The following MGAM2 variants were observed in gnomAD, a reference collection of about 807,000 sequenced individuals.
The protein encoded by MGAM2 is probable maltase-glucoamylase 2.
A neutral mutation model predicts 96.1 loss-of-function variants in MGAM2; 98 were observed. That is an observed-to-expected ratio of 1.02 (90% CI 0.87 to 1.21). The LOEUF is 1.21. Ranked by LOEUF, MGAM2 falls within the 50% of genes most tolerant of loss-of-function variation. The pLI is 0.00. For synonymous variants in MGAM2, 749 were observed against 414.8 expected (o/e 1.81, Z -9.79); for missense variants, 2,055 against 1,182.4 (o/e 1.74, Z -10.82).
chr7:142,158,113 G>A lies in MGAM2; in HGVS notation c.2078+22G>A, dbSNP rs572249139. 8 of 701,502 alleles carry A rather than the reference G, an allele frequency of 1.1e-5. No individual in the cohort carries two copies. The South Asian group carries it at 1.2e-4, about 10-fold the overall frequency. 43.5% of individuals were successfully genotyped at this position (701,502 alleles called of 1,614,324 possible). On this transcript the variant is annotated intron_variant, in intron 18 of 47. Transcript: ENST00000477922. ...ATGAGTGAGTTTCCTGATTCTCAAA[G>A]ACTCCCTTTCTGATTGTAGTTTCAC...
At chr7:142,186,356 T>A (rs1796699321) in intron 35 of MGAM2, among the ~76,000 whole-genome samples, 1 of 152,050 alleles carries the variant, frequency 6.6e-6, no homozygotes. Context: ...CTGCTACTGC[T>A]GGAGATGCCA....
rs370058317 is a variant in MGAM2, at chr7:142,175,686, G to A, written c.3722G>A (p.Arg1241Gln). The A allele has an allele frequency of 4.4e-5, 31 of 702,806 alleles. No homozygotes were observed. The highest frequency in any genetic ancestry group is 1.9e-4 in the African/African-American group (11 of 57,334). The allele number at this position is 702,806 out of a possible 1,614,324, so 43.5% of individuals were successfully genotyped here. ...VQHVDIDYMN[R>Q]KLDFTLSANF... ...CATGTAGACATCGATTACATGAACC[G>A]GAAGCTGGATTTCACCCTCAGTGCC... Residue 1241 changes from arginine (R) to glutamine (Q), a missense_variant, in exon 32 of 48, where the codon CGG becomes CAG. Transcript: ENST00000477922.
intron 46 of MGAM2, among the ~76,000 whole-genome samples, chr7:142,216,623 A>C (rs1473838552): frequency 6.6e-6 from 1 of 152,122 alleles, no homozygotes; most frequent in African/African-American, 2.4e-5. Context: ...ATCTTAACCA[A>C]TTTCAAGCAT....
At position 142,175,660 on chromosome 7, in the gene MGAM2, G is replaced by C; in HGVS notation, c.3696G>C (p.Gln1232His). The C allele has an allele frequency of 1.4e-6, 1 of 702,760 alleles. No homozygotes were observed. Among genetic ancestry groups the C allele is most frequent in the Middle Eastern group, 2.4e-4 (1 of 4,230 alleles). 43.5% of individuals were successfully genotyped at this position (702,760 alleles called of 1,614,324 possible). Residue 1232 changes from glutamine (Q) to histidine (H), a missense_variant, in exon 32 of 48, where the codon CAG becomes CAC. Coordinates refer to ENST00000477922, the MANE Select transcript of MGAM2 (RefSeq NM_001293626.2). The stretch of plus-strand genomic sequence containing the variant: ...GCTGCTTCTTTCTGCAGGACGTCCA[G>C]CATGTAGACATCGATTACATGAACC... ...MVAAQIPYDVQHVDIDYMNRK... is the reference protein window; with the variant it reads ...MVAAQIPYDVHHVDIDYMNRK...
At chr7:142,128,112 A>G (rs1325805796) in intron 3 of MGAM2, among the ~76,000 whole-genome samples, 3 of 152,184 alleles carry the variant, frequency 2.0e-5, no homozygotes, top group Admixed American at 2.0e-4. Flanking sequence ...GTTTTAGCAA[A>G]GAGACTGGTG....
chr7:142,183,919 C>T (rs1197673236), intron 33 of MGAM2, among the ~76,000 whole-genome samples: 1 of 128,382 alleles, frequency 7.8e-6, no homozygotes, highest in African/African-American at 2.8e-5. Context: ...TACTATGCTA[C>T]TTCCTACTGC....
At chr7:142,115,625 C>T (rs1817363392) in intron 1 of MGAM2, among the ~76,000 whole-genome samples, 2 of 152,100 alleles carry the variant, frequency 1.3e-5, no homozygotes, top group Non-Finnish European at 2.9e-5. Context: ...GTGGGCAGAT[C>T]AGCTGAGATC....
chr7:142,142,526 T>TTTTTTTG (rs1013096432), intron 12 of MGAM2, among the ~76,000 whole-genome samples: 10 of 132,196 alleles, frequency 7.6e-5, no homozygotes, highest in African/African-American at 2.7e-4. Context: ...TGGTGTGTGT[T>TTTTTTTG]TTTTTTTTTT....
chr7:142,141,790 A>G (rs1440792486), intron 12 of MGAM2, among the ~76,000 whole-genome samples: 2 of 152,170 alleles, frequency 1.3e-5, no homozygotes, highest in Non-Finnish European at 2.9e-5. Flanking sequence ...GTGAGCCACC[A>G]TGCCTAACCT....
intron 31 of MGAM2, among the ~76,000 whole-genome samples, chr7:142,174,587 TTCTAGATATAGGA>T (rs1796303044): frequency 2.0e-5 from 3 of 152,054 alleles, no homozygotes; most frequent in African/African-American, 4.8e-5. Flanking sequence ...TGATGGAGTT[TTCTAGATATAGGA>T]TCTTGTCTAT....
intron 45 of MGAM2, among the ~76,000 whole-genome samples, chr7:142,203,487 G>GA (rs1280234925): frequency 2.0e-5 from 3 of 152,020 alleles, no homozygotes; most frequent in East Asian, 1.9e-4. Flanking sequence ...CACAGAATTA[G>GA]AAAAAAACTA....
intron 28 of MGAM2, among the ~76,000 whole-genome samples, 165 bp downstream of exon 28, chr7:142,171,605 C>CATATATATAT (rs34204853): frequency 4.6e-5 from 3 of 64,996 alleles, no homozygotes; most frequent in Non-Finnish European, 7.0e-5. Context: ...CCCTAAAAGG[C>CATATATATAT]ATATATATAT....
At chr7:142,215,421 A>G (rs1797726416) in intron 46 of MGAM2, among the ~76,000 whole-genome samples, 1 of 151,750 alleles carries the variant, frequency 6.6e-6, no homozygotes, top group Non-Finnish European at 1.5e-5. Context: ...ACAAACCTGC[A>G]TGTTCTGCAC....
intron 32 of MGAM2, among the ~76,000 whole-genome samples, chr7:142,182,183 G>T (rs1302320667): frequency 5.3e-5 from 8 of 152,144 alleles, no homozygotes; most frequent in Non-Finnish European, 1.0e-4. Context: ...ATCCTGATTT[G>T]TGTGCTTAAA....
At chr7:142,131,910 C>T (rs933173762) in intron 5 of MGAM2, 21 bp from the exon 6 acceptor site, 1 of 696,914 alleles carries the variant, frequency 1.4e-6, no homozygotes, top group Admixed American at 2.0e-5. Flanking sequence ...GCAGTTGTCC[C>T]TTCTGTTTTT....
At chr7:142,198,116 G>A in intron 42 of MGAM2, 23 bp from the exon 43 acceptor site, 1 of 699,994 alleles carries the variant, frequency 1.4e-6, no homozygotes, top group Non-Finnish European at 2.6e-6. Context: ...TATTCATAAT[G>A]ACATGTCAAT....
At chr7:142,143,739 T>C (rs1232997965) in intron 12 of MGAM2, 30 bp from the exon 13 acceptor site, 2 of 544,684 alleles carry the variant, frequency 3.7e-6, no homozygotes, top group Non-Finnish European at 6.8e-6. Context: ...TCAACCAAGC[T>C]GATTGCCACT....
chr7:142,133,053 A>G (rs1794948089), intron 6 of MGAM2, among the ~76,000 whole-genome samples: 1 of 132,298 alleles, frequency 7.6e-6, no homozygotes, highest in Admixed American at 7.8e-5. Context: ...TTTTAATTTA[A>G]TCAGTTTAAT....
rs80159315 is a variant in MGAM2, at chr7:142,164,343, A to G, written c.2485-513A>G. On this transcript the variant is annotated intron_variant, in intron 23 of 47. Transcript: ENST00000477922. ...TCATCTGAAAAACGAGGGTAATTAT[A>G]GCTTCAACCTCATAGCCTGCCGTGA... Among the ~76,000 whole-genome samples, 743 of 152,342 alleles carry G rather than the reference A, an allele frequency of 4.9e-3. 9 individuals carry two copies. The highest frequency in any genetic ancestry group is 7.1e-3 in the Non-Finnish European group (484 of 68,040).
Sources: allele counts gnomAD v4.1 joint callset (sites outside exome capture counted in the v4.1 genomes callset), GRCh38; gene constraint gnomAD v4.1.1; transcripts MANE v1.5; gene names NCBI Gene and HGNC (gene_info 2026-07-23, HGNC 2026-07-21).